The following KHDRBS2 variants were observed in gnomAD, a reference collection of about 807,000 sequenced individuals.
KHDRBS2 encodes the protein KH RNA binding domain containing, signal transduction associated 2, also known as KH domain-containing, RNA-binding, signal transduction-associated protein 2.
KHDRBS2 carries 26 observed loss-of-function variants against 44.3 expected under a neutral mutation model. That is an observed-to-expected ratio of 0.59 (90% CI 0.43 to 0.81). KHDRBS2 has a LOEUF of 0.81. Ranked by LOEUF, KHDRBS2 falls within the 40% of genes least tolerant of loss-of-function variation. The pLI is 0.00. For missense variants in KHDRBS2, 476 were observed against 433.1 expected (o/e 1.10, Z -0.88); for synonymous variants, 194 against 151.1 (o/e 1.28, Z -2.08).
At chr6:61,774,596 G>A (rs1424672392) in intron 6 of KHDRBS2, among the ~76,000 whole-genome samples, 1 of 152,134 alleles carries the variant, frequency 6.6e-6, no homozygotes, top group Non-Finnish European at 1.5e-5. Context: ...CAAGGGACGA[G>A]AAGTTGAATC....
At chr6:61,580,738 C>A in the KHDRBS2 span, among the ~76,000 whole-genome samples, 1 of 151,906 alleles carries the variant, frequency 6.6e-6, no homozygotes, top group African/African-American at 2.4e-5. Flanking sequence ...TGAAGGTCTG[C>A]GGCTTCATTC....
At chr6:62,093,502 C>T (rs937493298) in intron 2 of KHDRBS2, among the ~76,000 whole-genome samples, 1 of 151,700 alleles carries the variant, frequency 6.6e-6, no homozygotes, top group Non-Finnish European at 1.5e-5. Flanking sequence ...CATTAAAAAA[C>T]CTCTCTTCTT....
At chr6:61,863,997 T>C (rs766521342) in intron 6 of KHDRBS2, among the ~76,000 whole-genome samples, 3 of 152,186 alleles carry the variant, frequency 2.0e-5, no homozygotes, top group Non-Finnish European at 2.9e-5. Flanking sequence ...ATATTTAAGA[T>C]AGTTAGGTTT....
chr6:61,833,515 A>C (rs1242598497), intron 6 of KHDRBS2, among the ~76,000 whole-genome samples: 1 of 152,182 alleles, frequency 6.6e-6, no homozygotes, highest in East Asian at 1.9e-4. Context: ...CTTCTGTCTT[A>C]TGATGTGTCA....
chr6:61,738,953 A>G (rs1480989862), intron 6 of KHDRBS2, among the ~76,000 whole-genome samples: 1 of 151,942 alleles, frequency 6.6e-6, no homozygotes, highest in Non-Finnish European at 1.5e-5. Flanking sequence ...CATAAGTCCT[A>G]TCTTTAAGAA....
At chr6:61,624,389 A>G in the KHDRBS2 span, among the ~76,000 whole-genome samples, 1 of 152,174 alleles carries the variant, frequency 6.6e-6, no homozygotes, top group East Asian at 1.9e-4. Flanking sequence ...CTTGTTGACA[A>G]TTCAAGTACA....
the KHDRBS2 span, among the ~76,000 whole-genome samples, chr6:61,611,427 A>G: frequency 6.6e-6 from 1 of 152,234 alleles, no homozygotes; most frequent in African/African-American, 2.4e-5. Flanking sequence ...GGTAAGACTA[A>G]GAGTTTGTGA....
chr6:61,960,592 T>C (rs1011368911), intron 4 of KHDRBS2, among the ~76,000 whole-genome samples: 6 of 152,148 alleles, frequency 3.9e-5, no homozygotes, highest in African/African-American at 1.4e-4. Context: ...ATGGGTTTTA[T>C]AGCACAAGCA....
intron 6 of KHDRBS2, among the ~76,000 whole-genome samples, chr6:61,797,992 G>A (rs1454441678): frequency 6.6e-6 from 1 of 151,732 alleles, no homozygotes; most frequent in Non-Finnish European, 1.5e-5. Context: ...TACCCAATAG[G>A]TAGTTTTTCA....
intron 4 of KHDRBS2, among the ~76,000 whole-genome samples, chr6:61,925,314 A>C (rs1808751372): frequency 6.6e-6 from 1 of 152,220 alleles, no homozygotes; most frequent in Non-Finnish European, 1.5e-5. Context: ...AAAAAATAAG[A>C]TTCAGATTTA....
intron 2 of KHDRBS2, among the ~76,000 whole-genome samples, chr6:62,118,475 A>G (rs187524045): frequency 2.0e-5 from 3 of 152,266 alleles, no homozygotes; most frequent in South Asian, 2.1e-4. Context: ...CCGAATCTGT[A>G]GATCACTTTA....
chr6:62,009,226 T>A (rs1395646022), intron 3 of KHDRBS2, among the ~76,000 whole-genome samples: 1 of 152,206 alleles, frequency 6.6e-6, no homozygotes, highest in African/African-American at 2.4e-5. Flanking sequence ...ACTCTCGTTA[T>A]GTTTTTAGCA....
At chr6:62,168,249 T>C (rs1194734535) in intron 2 of KHDRBS2, among the ~76,000 whole-genome samples, 1 of 152,160 alleles carries the variant, frequency 6.6e-6, no homozygotes, top group Non-Finnish European at 1.5e-5. Context: ...TGGCAATATA[T>C]TGCTTTAAAA....
chr6:61,925,647 G>A (rs1317357276), intron 4 of KHDRBS2, among the ~76,000 whole-genome samples: 1 of 151,858 alleles, frequency 6.6e-6, no homozygotes, highest in Non-Finnish European at 1.5e-5. Flanking sequence ...GATTAAGCCT[G>A]GGAGGTTGAG....
chr6:62,198,105 T>C (rs573122171), intron 1 of KHDRBS2, among the ~76,000 whole-genome samples: 6 of 152,258 alleles, frequency 3.9e-5, no homozygotes, highest in African/African-American at 1.4e-4. Flanking sequence ...GAGGGAAATT[T>C]ACAGCACTAA....
intron 8 of KHDRBS2, among the ~76,000 whole-genome samples, chr6:61,681,570 GT>G (rs1766308233): frequency 6.6e-6 from 1 of 151,786 alleles, no homozygotes; most frequent in Non-Finnish European, 1.5e-5. Flanking sequence ...GTGTTAAATT[GT>G]ATAGAGAAAG....
the KHDRBS2 span, among the ~76,000 whole-genome samples, chr6:61,663,115 C>G: frequency 6.6e-6 from 1 of 151,132 alleles, no homozygotes; most frequent in Non-Finnish European, 1.5e-5. Context: ...ATGGATGAAA[C>G]TGGAAACCAT....
At chr6:62,016,612 G>A (rs541984035) in intron 3 of KHDRBS2, among the ~76,000 whole-genome samples, 1 of 148,494 alleles carries the variant, frequency 6.7e-6, no homozygotes, top group Non-Finnish European at 1.5e-5. Flanking sequence ...GTACACATAG[G>A]TATAATATAT....
At chr6:62,219,986 A>G (rs1425659365) in intron 1 of KHDRBS2, among the ~76,000 whole-genome samples, 1 of 149,138 alleles carries the variant, frequency 6.7e-6, no homozygotes, top group East Asian at 1.9e-4. Context: ...GTACATATGT[A>G]TATATTCTGT....
Sources: gnomAD v4.1 joint callset for allele counts (sites outside exome capture counted in the v4.1 genomes callset) on GRCh38, gnomAD v4.1.1 for gene constraint, MANE v1.5 for transcripts, NCBI Gene and HGNC (gene_info 2026-07-23, HGNC 2026-07-21) for gene names.